ATXN2: variants seen among roughly 807,000 people sequenced by gnomAD.
ATXN2 encodes ataxin 2.
ATXN2 carries 37 observed loss-of-function variants against 138.6 expected under a neutral mutation model. The observed-to-expected ratio is 0.27, with a 90% CI of 0.21 to 0.35. ATXN2 has a LOEUF of 0.35. ATXN2 is among the 10% of genes least tolerant of loss of function. The pLI, the probability that ATXN2 is intolerant of heterozygous loss-of-function variation, is 1.00. For missense variants in ATXN2, 1,216 were observed against 1,480.3 expected (o/e 0.82, Z 2.93); for synonymous variants, 549 against 543.7 (o/e 1.01, Z -0.13).
chr12:111,492,018 A>T (rs1273959018), intron 14 of ATXN2, among the ~76,000 whole-genome samples: 1 of 152,154 alleles, frequency 6.6e-6, no homozygotes, highest in Non-Finnish European at 1.5e-5. Context: ...TTCTTCACCT[A>T]CTGACTAAAG....
chr12:111,562,484 G>A (rs1882749836), intron 1 of ATXN2, among the ~76,000 whole-genome samples: 1 of 151,972 alleles, frequency 6.6e-6, no homozygotes, highest in South Asian at 2.1e-4. Context: ...ACTCTGGGAG[G>A]CTGAGGTGGG....
At chr12:111,498,484 T>C (rs1878565180) in intron 14 of ATXN2, among the ~76,000 whole-genome samples, 1 of 152,092 alleles carries the variant, frequency 6.6e-6, no homozygotes, top group South Asian at 2.1e-4. Context: ...GCTACAAATA[T>C]AATAAAATAC....
intron 6 of ATXN2, 105 bp from the exon 7 acceptor site, chr12:111,521,078 C>A: frequency 1.4e-6 from 1 of 709,350 alleles, no homozygotes; most frequent in Non-Finnish European, 2.3e-6. Flanking sequence ...ACTACTTGAG[C>A]AAAATTAGCA....
chr12:111,529,219 C>T (rs1012308980), intron 5 of ATXN2, among the ~76,000 whole-genome samples: 1 of 152,080 alleles, frequency 6.6e-6, no homozygotes, highest in African/African-American at 2.4e-5. Flanking sequence ...TGGCTCTAAT[C>T]TACAGGCAAC....
chr12:111,548,297 G>C (rs752983643), intron 5 of ATXN2, among the ~76,000 whole-genome samples: 3 of 152,216 alleles, frequency 2.0e-5, no homozygotes, highest in Non-Finnish European at 4.4e-5. Flanking sequence ...ACATGAGTTA[G>C]AGTAGAAAAG....
At chr12:111,512,794 T>C (rs1879618684) in intron 11 of ATXN2, 1 of 152,450 alleles carries the variant, frequency 6.6e-6, no homozygotes, top group African/African-American at 2.4e-5. Flanking sequence ...AGCATATTCC[T>C]TATGCTAATC....
chr12:111,461,116 C>T (rs1036985864), intron 21 of ATXN2: 1 of 152,102 alleles, frequency 6.6e-6, no homozygotes, highest in Non-Finnish European at 1.5e-5. Flanking sequence ...TTTGTTCTAG[C>T]TCAAAAGATC....
chr12:111,559,738 A>T lies in ATXN2; in HGVS notation c.252-3819T>A, dbSNP rs929595777. On this transcript the variant is annotated intron_variant, in intron 1 of 24. Coordinates refer to ENST00000673436, the MANE Select transcript of ATXN2 (RefSeq NM_001372574.1). ...CAGTGAGCCGAGATCGTGCCACTGCACTCCAGCCTGGGCGACAGAGCAAGA... is the reference window on the plus strand; with the variant it reads ...CAGTGAGCCGAGATCGTGCCACTGCTCTCCAGCCTGGGCGACAGAGCAAGA... Among the ~76,000 whole-genome samples, 8 of 148,494 alleles carry T rather than the reference A, an allele frequency of 5.4e-5. No homozygotes were observed. The Admixed American group carries it at 5.5e-4, about 10-fold the overall frequency.
intron 14 of ATXN2, among the ~76,000 whole-genome samples, chr12:111,496,085 C>T (rs775235063): frequency 2.4e-4 from 36 of 151,746 alleles, no homozygotes; most frequent in African/African-American, 6.3e-4. Flanking sequence ...GCCAGGAAGG[C>T]GGAGGTTGCA....
At chr12:111,508,285 A>G (rs113621672) in intron 14 of ATXN2, among the ~76,000 whole-genome samples, 15,355 of 151,812 alleles carry the variant, frequency 0.1, 2,597 homozygotes, top group African/African-American at 0.35. Flanking sequence ...TTTTGGAAGG[A>G]AACAGGGGGA....
At chr12:111,491,801 G>A (rs1190083687) in intron 14 of ATXN2, among the ~76,000 whole-genome samples, 2 of 152,210 alleles carry the variant, frequency 1.3e-5, no homozygotes, top group African/African-American at 2.4e-5. Flanking sequence ...CAGCTGTGGT[G>A]TCCATGGGGA....
chr12:111,485,627 C>T, intron 17 of ATXN2, 86 bp downstream of exon 17: 1 of 1,508,666 alleles, frequency 6.6e-7, no homozygotes, highest in South Asian at 1.2e-5. Context: ...CCATCACACC[C>T]TCAAGTCACT....
At chr12:111,588,262 G>C (rs1884446528) in intron 1 of ATXN2, among the ~76,000 whole-genome samples, 1 of 151,342 alleles carries the variant, frequency 6.6e-6, no homozygotes. Flanking sequence ...ACAACTTCAG[G>C]GTTAAAATTA....
In ATXN2 at chr12:111,453,439, C is replaced by T; in HGVS notation, c.3439+238G>A. The T allele has an allele frequency of 1.6e-6, 2 of 1,253,816 alleles. No individual in the cohort carries two copies. Among genetic ancestry groups the T allele is most frequent in the Non-Finnish European group, 1.0e-6 (1 of 999,380 alleles). The allele number at this position is 1,253,816 out of a possible 1,614,324, so 77.7% of individuals were successfully genotyped here. On this transcript the variant is annotated intron_variant, in intron 24 of 24. Coordinates refer to ENST00000673436, the MANE Select transcript of ATXN2 (RefSeq NM_001372574.1). The surrounding 1 kb of genome is among the most constrained non-coding windows in gnomAD (Gnocchi z 5.4). Reference sequence around the variant, plus strand: ...ATGCATCAGGCTGCTGTTGCTGCTGCTGCTGCTTCTCATCAAGCCAAATCC... The same window carrying T: ...ATGCATCAGGCTGCTGTTGCTGCTGTTGCTGCTTCTCATCAAGCCAAATCC...
In ATXN2 at chr12:111,516,262, G is replaced by A. The variant is rs1879850665; in HGVS notation, c.1267C>T (p.Arg423Trp). The change falls in exon 10 of 25, where the codon CGG becomes TGG. Residue 423 changes from arginine to tryptophan, a missense_variant. By Grantham distance (101) the Arg-to-Trp change is moderately radical. Transcript: ENST00000673436. The surrounding 1 kb of genome is among the most constrained non-coding windows in gnomAD (Gnocchi z 5.0). Reference sequence around the variant, plus strand: ...CGCGAGGGGGGCCTGGAGGGCGGCCGTGTAGGGGTGGCTGCCCGAGGTGGA... The same window carrying A: ...CGCGAGGGGGGCCTGGAGGGCGGCCATGTAGGGGTGGCTGCCCGAGGTGGA... ...SLPPRAATPT[R>W]PPSRPPSRPS... 6 of 1,573,682 alleles carry A rather than the reference G, an allele frequency of 3.8e-6. No homozygotes were observed. Among genetic ancestry groups the A allele is most frequent in the South Asian group, 1.2e-5 (1 of 84,110 alleles).
At chr12:111,499,833 TATGAATGGCAAACAGGTATATGAA>T (rs1458197633) in intron 14 of ATXN2, among the ~76,000 whole-genome samples, 4 of 152,180 alleles carry the variant, frequency 2.6e-5, no homozygotes, top group Non-Finnish European at 4.4e-5. Context: ...CATCGTTATT[TATGAATGGCAAACAGGTATATGAA>T]AGGTATTCAA....
intron 20 of ATXN2, chr12:111,468,639 G>C (rs1354755809): frequency 2.0e-5 from 3 of 151,634 alleles, no homozygotes; most frequent in Non-Finnish European, 2.9e-5. Flanking sequence ...AAAGGACAGA[G>C]GTGGTATGAA....
chr12:111,476,127 T>C (rs1876800854), intron 18 of ATXN2, among the ~76,000 whole-genome samples: 1 of 152,156 alleles, frequency 6.6e-6, no homozygotes, highest in Non-Finnish European at 1.5e-5. Context: ...AATTTTTAAA[T>C]TGTTTTGTAG....
At chr12:111,588,991 CAAAAAAAAAAA>C (rs58116265) in intron 1 of ATXN2, among the ~76,000 whole-genome samples, 665 of 38,700 alleles carry the variant, frequency 0.017, 5 homozygotes, top group South Asian at 0.12. Flanking sequence ...CGAGATTTCT[CAAAAAAAAAAA>C]AAAAAAAAAA....
Sources: allele counts gnomAD v4.1 joint callset (sites outside exome capture counted in the v4.1 genomes callset), GRCh38; gene constraint gnomAD v4.1.1; non-coding constraint Gnocchi (gnomAD v3.1); transcripts MANE v1.5; gene names NCBI Gene and HGNC (gene_info 2026-07-23, HGNC 2026-07-21).